Variants in FAM120B observed in about 807,000 individuals in gnomAD.
FAM120B encodes family with sequence similarity 120 member B.
A neutral mutation model predicts 96.3 loss-of-function variants in FAM120B; 83 were observed. The observed-to-expected ratio is 0.86, with a 90% CI of 0.72 to 1.03. FAM120B has a LOEUF of 1.03. Ranked by LOEUF, FAM120B falls within the 50% of genes least tolerant of loss-of-function variation. The pLI is 0.00. For synonymous variants in FAM120B, 407 were observed against 402.7 expected (o/e 1.01, Z -0.13); for missense variants, 1,027 against 1,121.2 (o/e 0.92, Z 1.20).
At chr6:170,382,676 C>G (rs369907053) in intron 6 of FAM120B, among the ~76,000 whole-genome samples, 1 of 152,028 alleles carries the variant, frequency 6.6e-6, no homozygotes, top group Non-Finnish European at 1.5e-5. Flanking sequence ...AGACACATAC[C>G]GTGTTCATGT....
At chr6:170,307,083 G>A (rs550138326) in intron 1 of FAM120B, among the ~76,000 whole-genome samples, 3 of 152,344 alleles carry the variant, frequency 2.0e-5, no homozygotes, top group Non-Finnish European at 4.4e-5. Flanking sequence ...GCCGAGCCCT[G>A]GTCCGCGTCA....
intron 4 of FAM120B, among the ~76,000 whole-genome samples, chr6:170,331,789 A>T (rs906749239): frequency 6.6e-6 from 1 of 152,216 alleles, no homozygotes; most frequent in Non-Finnish European, 1.5e-5. Flanking sequence ...AGTATTAGAG[A>T]GACTACTTCA....
At chr6:170,330,929 C>A (rs923587649) in intron 4 of FAM120B, 21 of 185,708 alleles carry the variant, frequency 1.1e-4, no homozygotes, top group Non-Finnish European at 2.0e-4. Context: ...AGGATAGATT[C>A]TTGATATTCT....
chr6:170,346,270 A>T (rs914878596), intron 4 of FAM120B, among the ~76,000 whole-genome samples: 4 of 152,026 alleles, frequency 2.6e-5, no homozygotes, highest in Non-Finnish European at 5.9e-5. Flanking sequence ...CTGCACGCTG[A>T]TGGGGACATG....
chr6:170,362,986 G>A (rs1004613901), intron 6 of FAM120B, among the ~76,000 whole-genome samples: 12 of 152,256 alleles, frequency 7.9e-5, no homozygotes, highest in African/African-American at 2.9e-4. Flanking sequence ...CCGTGGCAAT[G>A]ATGATTTTAT....
chr6:170,322,023 C>G (rs9356588), intron 2 of FAM120B, among the ~76,000 whole-genome samples: 17,418 of 152,256 alleles, frequency 0.11, 1,312 homozygotes, highest in East Asian at 0.31. Context: ...AACTTATTCT[C>G]ACAGTAATAA....
intron 6 of FAM120B, among the ~76,000 whole-genome samples, chr6:170,383,217 G>A (rs1361951968): frequency 6.6e-6 from 1 of 151,854 alleles, no homozygotes; most frequent in Non-Finnish European, 1.5e-5. Context: ...GAAAAAAATA[G>A]AAGATCTTTG....
At chr6:170,315,102 T>C (rs1784820725) in intron 1 of FAM120B, among the ~76,000 whole-genome samples, 1 of 152,244 alleles carries the variant, frequency 6.6e-6, no homozygotes, top group African/African-American at 2.4e-5. Context: ...TGTTTTTTCC[T>C]TTCTGCTGTC....
At position 170,404,804 on chromosome 6, in the gene FAM120B, C is replaced by T. The variant is rs1778746997; in HGVS notation, c.*53C>T. On this transcript the variant is annotated 3_prime_UTR_variant, in exon 11 of 11. Transcript: ENST00000476287. Reference sequence around the variant, plus strand: ...AAAAGAGGCACACCTGGACGCAGAGCCCTGCCAGCGCCCTCCTCTGCTGTT... The same window carrying T: ...AAAAGAGGCACACCTGGACGCAGAGTCCTGCCAGCGCCCTCCTCTGCTGTT... 1.8e-6 allele frequency: 1 copy of T among 564,256 alleles called. No homozygotes were observed. The highest frequency in any genetic ancestry group is 3.1e-6 in the Non-Finnish European group (1 of 318,094). 35.0% of individuals were successfully genotyped at this position (564,256 alleles called of 1,614,324 possible).
At chr6:170,371,247 T>C (rs1452658271) in intron 6 of FAM120B, among the ~76,000 whole-genome samples, 2 of 152,170 alleles carry the variant, frequency 1.3e-5, no homozygotes, top group African/African-American at 2.4e-5. Context: ...ATCGCACAGT[T>C]TGTGGCCTTT....
At chr6:170,312,161 T>C (rs9460110) in intron 1 of FAM120B, among the ~76,000 whole-genome samples, 40,902 of 152,166 alleles carry the variant, frequency 0.27, 6,846 homozygotes, top group Middle Eastern at 0.37. Flanking sequence ...TTAGAAGCAG[T>C]GAATAGTAGA....
chr6:170,301,404 C>T (rs1784138495), intron 1 of FAM120B, among the ~76,000 whole-genome samples: 1 of 152,230 alleles, frequency 6.6e-6, no homozygotes, highest in Non-Finnish European at 1.5e-5. Flanking sequence ...TTTTTCCCTC[C>T]TAGGCCTCTA....
chr6:170,379,124 C>G (rs141638134), intron 6 of FAM120B, among the ~76,000 whole-genome samples: 1 of 152,202 alleles, frequency 6.6e-6, no homozygotes, highest in Non-Finnish European at 1.5e-5. Context: ...CCTGCTGGCT[C>G]TGTTAAAACT....
intron 6 of FAM120B, among the ~76,000 whole-genome samples, chr6:170,360,037 T>C (rs1788237056): frequency 6.6e-6 from 1 of 152,174 alleles, no homozygotes; most frequent in Non-Finnish European, 1.5e-5. Context: ...TCCATTATAG[T>C]CTGGGGGCCT....
chr6:170,292,491 C>T (rs1184359028), upstream of FAM120B, among the ~76,000 whole-genome samples: 1 of 152,148 alleles, frequency 6.6e-6, no homozygotes, highest in African/African-American at 2.4e-5. This position sits in a 1 kb window ranked among gnomAD's most constrained non-coding sequence, Gnocchi z 6.6. Flanking sequence ...TGTAGCTCAG[C>T]CCCAAGGAAG....
At chr6:170,306,135 T>A (rs938129293), upstream of FAM120B, among the ~76,000 whole-genome samples, 2 of 152,162 alleles carry the variant, frequency 1.3e-5, no homozygotes, top group African/African-American at 2.4e-5. Context: ...TGAAGAGTAG[T>A]CCAGAGCAAC....
intron 4 of FAM120B, among the ~76,000 whole-genome samples, chr6:170,333,126 G>A (rs1583216202): frequency 6.6e-6 from 1 of 152,030 alleles, no homozygotes; most frequent in Non-Finnish European, 1.5e-5. Context: ...TCATTCCTGG[G>A]TGCTATGGTT....
upstream of FAM120B, among the ~76,000 whole-genome samples, chr6:170,301,855 C>A (rs1449692204): frequency 1.3e-5 from 2 of 152,212 alleles, no homozygotes; most frequent in Non-Finnish European, 2.9e-5. Context: ...AGCCATTCAA[C>A]AAGTCTCTAA....
intron 9 of FAM120B, among the ~76,000 whole-genome samples, chr6:170,396,443 A>G (rs1199893032): frequency 6.6e-6 from 1 of 152,218 alleles, no homozygotes; most frequent in African/African-American, 2.4e-5. Context: ...ATGAGAATTG[A>G]TGGTGAATGT....
Sources: allele counts gnomAD v4.1 joint callset (sites outside exome capture counted in the v4.1 genomes callset), GRCh38; gene constraint gnomAD v4.1.1; non-coding constraint Gnocchi (gnomAD v3.1); transcripts MANE v1.5; gene names NCBI Gene and HGNC (gene_info 2026-07-23, HGNC 2026-07-21).